The following CRY1 variants were observed in gnomAD, a reference collection of about 807,000 sequenced individuals.
The protein encoded by CRY1 is cryptochrome circadian regulator 1, also known as cryptochrome-1.
CRY1 carries 45 observed loss-of-function variants against 76.0 expected under a neutral mutation model. That is an observed-to-expected ratio of 0.59 (90% CI 0.47 to 0.76). The LOEUF (loss-of-function observed/expected upper bound fraction) is 0.76, where lower values mean the gene tolerates loss of function less well. Among genes scored for constraint, CRY1 ranks in the 30% least tolerant of loss-of-function variants. The pLI, the probability that CRY1 is intolerant of heterozygous loss-of-function variation, is 0.00. For missense variants in CRY1, 587 were observed against 716.4 expected (o/e 0.82, Z 2.06); for synonymous variants, 248 against 244.0 (o/e 1.02, Z -0.15).
At chr12:107,062,931 T>C (rs901916800) in intron 1 of CRY1, among the ~76,000 whole-genome samples, 2 of 152,240 alleles carry the variant, frequency 1.3e-5, no homozygotes, top group Non-Finnish European at 2.9e-5. Flanking sequence ...AATTTAAAAC[T>C]TGACTATCAT....
intron 1 of CRY1, among the ~76,000 whole-genome samples, chr12:107,067,413 C>A (rs2136888878): frequency 6.6e-6 from 1 of 152,272 alleles, no homozygotes; most frequent in Middle Eastern, 3.4e-3. Flanking sequence ...AATTTTATCT[C>A]ACAGACTCCC....
chr12:107,033,169 A>G (rs1044313722), intron 1 of CRY1, among the ~76,000 whole-genome samples: 2 of 152,178 alleles, frequency 1.3e-5, no homozygotes, highest in Non-Finnish European at 2.9e-5. Flanking sequence ...CCTTGCTAAA[A>G]CTGACTCAAG....
At chr12:107,023,495 G>A (rs1055676350) in intron 1 of CRY1, among the ~76,000 whole-genome samples, 2 of 152,168 alleles carry the variant, frequency 1.3e-5, no homozygotes, top group African/African-American at 4.8e-5. Flanking sequence ...GCTTGGTCTA[G>A]ATCATTTTGT....
At chr12:107,001,698 G>A in intron 4 of CRY1, 66 bp downstream of exon 4, 1 of 1,369,744 alleles carries the variant, frequency 7.3e-7, no homozygotes, top group East Asian at 2.5e-5. Flanking sequence ...ATTAAAAGGG[G>A]AATTTTCTGA....
intron 1 of CRY1, among the ~76,000 whole-genome samples, chr12:107,084,509 G>A (rs1953371157): frequency 6.6e-6 from 1 of 152,092 alleles, no homozygotes; most frequent in Non-Finnish European, 1.5e-5. Context: ...ACAGAACAGA[G>A]GCCTCAGAAA....
At chr12:107,032,012 G>A (rs1952681614) in intron 1 of CRY1, among the ~76,000 whole-genome samples, 1 of 152,192 alleles carries the variant, frequency 6.6e-6, no homozygotes, top group Non-Finnish European at 1.5e-5. Flanking sequence ...TTGGCTCACT[G>A]CAACCTCCAC....
At chr12:107,043,270 A>G (rs897160928) in intron 1 of CRY1, 1 of 152,188 alleles carries the variant, frequency 6.6e-6, no homozygotes, top group African/African-American at 2.4e-5. Flanking sequence ...CAAAAACAGT[A>G]CCTTGGCCAC....
At chr12:106,997,265 C>T (rs201944490) in intron 10 of CRY1, 29 bp downstream of exon 10, 2 of 1,543,916 alleles carry the variant, frequency 1.3e-6, no homozygotes, top group Admixed American at 3.4e-5. Flanking sequence ...CTTCATGTTA[C>T]TAAGTGCAGA....
chr12:107,032,711 A>C (rs1952691524), intron 1 of CRY1, among the ~76,000 whole-genome samples: 1 of 152,204 alleles, frequency 6.6e-6, no homozygotes, highest in Non-Finnish European at 1.5e-5. Context: ...CGGGAAGCAA[A>C]GGTGGGAGGA....
chr12:106,997,012 C>T (rs1952239607), intron 10 of CRY1, among the ~76,000 whole-genome samples: 2 of 152,110 alleles, frequency 1.3e-5, no homozygotes, highest in South Asian at 4.1e-4. Context: ...GAAAATATGA[C>T]ATTTGAGTTT....
Position 107,090,245 on chromosome 12 carries a change from A to C in CRY1, c.158+2559T>G, listed in dbSNP as rs187320898. Among the ~76,000 whole-genome samples, 6 of 151,868 alleles carry C rather than the reference A, an allele frequency of 4.0e-5. No homozygotes were observed. In the East Asian group the frequency reaches 9.7e-4, roughly 25 times the overall value. ...AGCTGGGATTACAGGCATGTGCCAT[A>C]CGCCTATCTAATTTTTTTGTGTTTT... On this transcript the variant is annotated intron_variant, in intron 1 of 12. Transcript: ENST00000008527.
intron 2 of CRY1, among the ~76,000 whole-genome samples, 200 bp downstream of exon 2, chr12:107,021,884 T>A (rs1339674187): frequency 1.3e-5 from 2 of 152,174 alleles, no homozygotes; most frequent in Non-Finnish European, 2.9e-5. Context: ...AAGATTGAAC[T>A]TTTCATTGTA....
chr12:106,999,423 A>G (rs1952274755), intron 7 of CRY1, 128 bp downstream of exon 7: 2 of 821,882 alleles, frequency 2.4e-6, no homozygotes, highest in East Asian at 5.3e-5. Context: ...TATTTGGGGA[A>G]TTAAATGTTT....
chr12:107,066,686 G>A (rs961728894), intron 1 of CRY1, among the ~76,000 whole-genome samples: 3 of 152,022 alleles, frequency 2.0e-5, no homozygotes, highest in Admixed American at 6.5e-5. Context: ...GGCTGGTCTC[G>A]AACTCCTGAG....
intron 1 of CRY1, among the ~76,000 whole-genome samples, chr12:107,078,121 A>T (rs1395931968): frequency 6.6e-6 from 1 of 152,200 alleles, no homozygotes; most frequent in Non-Finnish European, 1.5e-5. Flanking sequence ...TGGCACAAAC[A>T]TAATTTGCAT....
intron 1 of CRY1, among the ~76,000 whole-genome samples, chr12:107,079,727 T>A (rs771884262): frequency 6.6e-6 from 1 of 152,102 alleles, no homozygotes; most frequent in Non-Finnish European, 1.5e-5. Context: ...AGATCCACTT[T>A]ACACTTCAAG....
chr12:107,063,931 A>G (rs1188038597), intron 1 of CRY1, among the ~76,000 whole-genome samples: 1 of 152,058 alleles, frequency 6.6e-6, no homozygotes, highest in African/African-American at 2.4e-5. Context: ...CATTATATTC[A>G]TACTGGGGTT....
rs1274941769 is a variant in CRY1 at position 107,092,969 on chromosome 12, G to C, written c.-8C>G. 3 of 1,529,996 alleles carry C rather than the reference G, an allele frequency of 2.0e-6. No individual in the cohort carries two copies. The Admixed American group carries it at 6.5e-5, about 33-fold the overall frequency. 94.8% of individuals were successfully genotyped at this position (1,529,996 alleles called of 1,614,324 possible). ...CACGGCGTTCACCCCCATGCCGGGG[G>C]GCGCGGCGGGTCCTCCACGGAGAAA... is the stretch of plus-strand genomic sequence containing the variant. On this transcript the variant is annotated 5_prime_UTR_variant, in exon 1 of 13. Coordinates refer to ENST00000008527, the MANE Select transcript of CRY1 (RefSeq NM_004075.5).
chr12:107,033,547 A>T (rs558780184), intron 1 of CRY1, among the ~76,000 whole-genome samples: 1 of 152,290 alleles, frequency 6.6e-6, no homozygotes, highest in African/African-American at 2.4e-5. Flanking sequence ...ATCATGATCA[A>T]GTTGGGCTTA....
Sources: gnomAD v4.1 joint callset for allele counts (sites outside exome capture counted in the v4.1 genomes callset) on GRCh38, gnomAD v4.1.1 for gene constraint, MANE v1.5 for transcripts, NCBI Gene and HGNC (gene_info 2026-07-23, HGNC 2026-07-21) for gene names.